The following MAGI3 variants were observed in gnomAD, a reference collection of about 807,000 sequenced individuals.
MAGI3 encodes membrane associated guanylate kinase, WW and PDZ domain containing 3.
A neutral mutation model predicts 121.8 loss-of-function variants in MAGI3; 43 were observed. That is an observed-to-expected ratio of 0.35 (90% CI 0.28 to 0.46). MAGI3 has a LOEUF of 0.46. Ranked by LOEUF, MAGI3 falls within the 20% of genes least tolerant of loss-of-function variation. MAGI3 has a pLI of 1.00. For synonymous variants in MAGI3, 553 were observed against 639.3 expected (o/e 0.86, Z 2.04); for missense variants, 1,547 against 1,797.3 (o/e 0.86, Z 2.52).
intron 6 of MAGI3, among the ~76,000 whole-genome samples, chr1:113,603,843 A>G (rs1447472816): frequency 2.6e-5 from 4 of 152,218 alleles, no homozygotes; most frequent in African/African-American, 4.8e-5. Flanking sequence ...GACAAATTAC[A>G]TGAATTGGCA....
At chr1:113,513,249 C>G (rs572307212) in intron 1 of MAGI3, among the ~76,000 whole-genome samples, 1 of 152,284 alleles carries the variant, frequency 6.6e-6, no homozygotes, top group Admixed American at 6.5e-5. Context: ...CTACCAATGA[C>G]TTTCTTCACA....
In MAGI3 at chr1:113,392,699, T is replaced by C. The variant is rs544712955; in HGVS notation, c.316+1350T>C. The stretch of plus-strand genomic sequence containing the variant: ...ATGTGGTGAGGTTTTCTTTTTATTG[T>C]TGTTAATTTTTTAAAACTTTGGCAG... On this transcript the variant is annotated intron_variant, in intron 1 of 20. Transcript: ENST00000307546. Among the ~76,000 whole-genome samples the C allele has an allele frequency of 1.6e-3, 243 of 152,334 alleles. 1 individual carries two copies. Among genetic ancestry groups the C allele is most frequent in the Middle Eastern group, 6.8e-3 (2 of 294 alleles).
At chr1:113,467,958 C>A (rs1005224650) in intron 1 of MAGI3, among the ~76,000 whole-genome samples, 1 of 152,088 alleles carries the variant, frequency 6.6e-6, no homozygotes, top group African/African-American at 2.4e-5. Context: ...GCTAAAATGA[C>A]CTTTCTCATT....
At chr1:113,491,664 G>T (rs1570753598) in intron 1 of MAGI3, among the ~76,000 whole-genome samples, 1 of 151,624 alleles carries the variant, frequency 6.6e-6, no homozygotes, top group African/African-American at 2.4e-5. Flanking sequence ...TGAAATAAAT[G>T]ATCAGAAATG....
At chr1:113,413,253 A>C (rs1652103461) in intron 1 of MAGI3, among the ~76,000 whole-genome samples, 2 of 152,056 alleles carry the variant, frequency 1.3e-5, no homozygotes, top group Non-Finnish European at 1.5e-5. Flanking sequence ...GTTTTGGTAC[A>C]AGTACCATGC....
intron 1 of MAGI3, among the ~76,000 whole-genome samples, chr1:113,485,562 A>C (rs931760605): frequency 3.3e-5 from 5 of 152,072 alleles, no homozygotes; most frequent in Admixed American, 2.6e-4. Flanking sequence ...TCTGGATATT[A>C]GTCCTTTACC....
chr1:113,457,583 G>C (rs1281010032), intron 1 of MAGI3, among the ~76,000 whole-genome samples: 3 of 151,974 alleles, frequency 2.0e-5, no homozygotes, highest in African/African-American at 7.2e-5. Context: ...ACCGATATTT[G>C]AGTACCTTTT....
intron 1 of MAGI3, among the ~76,000 whole-genome samples, chr1:113,416,313 A>ATTATGTAAT (rs1652379982): frequency 7.7e-6 from 1 of 130,440 alleles, no homozygotes; most frequent in African/African-American, 2.8e-5. Flanking sequence ...TATGTAATTA[A>ATTATGTAAT]TTATGTAATT....
At chr1:113,510,899 T>G (rs1378356132) in intron 1 of MAGI3, among the ~76,000 whole-genome samples, 1 of 152,204 alleles carries the variant, frequency 6.6e-6, no homozygotes, top group East Asian at 1.9e-4. Flanking sequence ...AAATGTCCCT[T>G]GATTTCTCTA....
chr1:113,571,025 G>T (rs1647267034), intron 2 of MAGI3, among the ~76,000 whole-genome samples: 1 of 152,112 alleles, frequency 6.6e-6, no homozygotes. Flanking sequence ...TATGGTTTTA[G>T]GTCTTACGTT....
At chr1:113,438,695 C>G (rs1309973656) in intron 1 of MAGI3, among the ~76,000 whole-genome samples, 1 of 152,170 alleles carries the variant, frequency 6.6e-6, no homozygotes, top group African/African-American at 2.4e-5. Flanking sequence ...AGGCAACTAG[C>G]TCTTACGTAA....
intron 20 of MAGI3, chr1:113,682,376 ATCTATT>A: frequency 6.7e-7 from 1 of 1,483,642 alleles, no homozygotes; most frequent in Non-Finnish European, 8.9e-7. Context: ...TATTAAATAC[ATCTATT>A]TCTATCTTCT....
chr1:113,593,290 G>GTA (rs888344791), intron 5 of MAGI3, among the ~76,000 whole-genome samples: 135 of 152,222 alleles, frequency 8.9e-4, no homozygotes, highest in Middle Eastern at 3.4e-3. Flanking sequence ...GTATGACATG[G>GTA]TATTCCAATA....
At chr1:113,569,957 G>A (rs899140398) in intron 2 of MAGI3, among the ~76,000 whole-genome samples, 3 of 152,050 alleles carry the variant, frequency 2.0e-5, no homozygotes, top group Non-Finnish European at 4.4e-5. Flanking sequence ...ATGTGCCATG[G>A]TGGTTTGCTG....
At chr1:113,401,698 T>C (rs913461604) in intron 1 of MAGI3, among the ~76,000 whole-genome samples, 7 of 152,168 alleles carry the variant, frequency 4.6e-5, no homozygotes, top group Non-Finnish European at 1.0e-4. Context: ...GCCTAGAAAA[T>C]GTTCTGGTGA....
intron 1 of MAGI3, among the ~76,000 whole-genome samples, chr1:113,412,727 G>T (rs1311728604): frequency 1.3e-5 from 2 of 151,288 alleles, no homozygotes; most frequent in Admixed American, 6.6e-5. Flanking sequence ...GTTTTTGTTT[G>T]TTTTTTTTCT....
At chr1:113,433,522 T>C (rs1653408045) in intron 1 of MAGI3, among the ~76,000 whole-genome samples, 1 of 152,212 alleles carries the variant, frequency 6.6e-6, no homozygotes, top group African/African-American at 2.4e-5. Flanking sequence ...ATGATTTCCT[T>C]CTAATGTATG....
At chr1:113,593,840 C>G (rs1391034716) in intron 5 of MAGI3, among the ~76,000 whole-genome samples, 2 of 152,144 alleles carry the variant, frequency 1.3e-5, no homozygotes, top group Non-Finnish European at 2.9e-5. Context: ...TTTATTCCTC[C>G]CTTTTTTCCT....
chr1:113,414,579 T>C (rs796932828), intron 1 of MAGI3, among the ~76,000 whole-genome samples: 10 of 152,214 alleles, frequency 6.6e-5, no homozygotes, highest in African/African-American at 2.4e-4. Flanking sequence ...ATTCAGAGAT[T>C]CACCTTCCTG....
Sources: allele counts gnomAD v4.1 joint callset (sites outside exome capture counted in the v4.1 genomes callset), GRCh38; gene constraint gnomAD v4.1.1; transcripts MANE v1.5; gene names NCBI Gene and HGNC (gene_info 2026-07-23, HGNC 2026-07-21).